CCDC171: variants seen among roughly 807,000 people sequenced by gnomAD.
CCDC171 encodes coiled-coil domain containing 171, also known as coiled-coil domain-containing protein 171.
A neutral mutation model predicts 168.2 loss-of-function variants in CCDC171; 177 were observed. The observed-to-expected ratio is 1.05, with a 90% confidence interval of 0.93 to 1.19. The LOEUF is 1.19. Among genes scored for constraint, CCDC171 ranks in the 50% most tolerant of loss-of-function variants. The pLI is 0.00. For missense variants in CCDC171, 1,991 were observed against 1,539.0 expected (o/e 1.29, Z -4.91); for synonymous variants, 687 against 540.8 (o/e 1.27, Z -3.75).
Position 15,630,124 on chromosome 9 carries a change from G to T in CCDC171, c.822+6711G>T, listed in dbSNP as rs542227371. On this transcript the variant is annotated intron_variant, in intron 7 of 25. Transcript: ENST00000380701. The stretch of plus-strand genomic sequence containing the variant: ...CTAGGAAGAAACTGCATCAACTAAT[G>T]AGCAAAATAACCAGCTAACATCATA... Among the ~76,000 whole-genome samples the T allele has an allele frequency of 4.6e-5, 7 of 152,216 alleles. No individual in the cohort carries two copies. In the South Asian group the frequency reaches 1.5e-3, roughly 32 times the overall value.
intron 21 of CCDC171, among the ~76,000 whole-genome samples, chr9:15,836,180 C>G (rs2060439963): frequency 6.6e-6 from 1 of 152,020 alleles, no homozygotes; most frequent in Non-Finnish European, 1.5e-5. Flanking sequence ...ATACCCTCTC[C>G]TATGTTGCAG....
intron 3 of CCDC171, among the ~76,000 whole-genome samples, chr9:15,987,434 G>T (rs965236257): frequency 2.7e-5 from 4 of 149,962 alleles, no homozygotes; most frequent in African/African-American, 9.8e-5. Flanking sequence ...AAGTTGGAAA[G>T]AAAAAGCAAC....
chr9:15,655,943 G>T (rs1292664699), intron 7 of CCDC171, among the ~76,000 whole-genome samples: 1 of 152,220 alleles, frequency 6.6e-6, no homozygotes, highest in Non-Finnish European at 1.5e-5. Context: ...TGGTGAGGAT[G>T]TGGAACAATG....
intron 10 of CCDC171, among the ~76,000 whole-genome samples, chr9:15,691,843 G>A (rs1448253208): frequency 8.6e-5 from 13 of 151,708 alleles, no homozygotes; most frequent in Admixed American, 8.5e-4. Flanking sequence ...ATGGCTGTCT[G>A]GTTTTTCATT....
In CCDC171 at chr9:15,929,699, A is replaced by G. The variant is rs564436176; in HGVS notation, c.3753+9277A>G. Among the ~76,000 whole-genome samples the G allele has an allele frequency of 1.1e-3, 167 of 151,844 alleles. 1 individual carries two copies. Among genetic ancestry groups the G allele is most frequent in the African/African-American group, 3.3e-3 (137 of 41,490 alleles). ...ATGGTCTTCCAATAAGTTTTCTCAT[A>G]TCTAGTCTTTTTTCTTCTATTCACC... is the stretch of plus-strand genomic sequence containing the variant. On this transcript the variant is annotated intron_variant, in intron 25 of 25. Coordinates refer to ENST00000380701, the MANE Select transcript of CCDC171 (RefSeq NM_173550.4).
chr9:15,582,982 C>G (rs1202939711), intron 4 of CCDC171, among the ~76,000 whole-genome samples: 2 of 151,190 alleles, frequency 1.3e-5, no homozygotes, highest in African/African-American at 2.4e-5. Context: ...CCAGCATTCC[C>G]ACTACTGGGT....
intron 7 of CCDC171, among the ~76,000 whole-genome samples, chr9:15,635,945 C>G (rs995015668): frequency 7.2e-5 from 11 of 152,144 alleles, no homozygotes; most frequent in Non-Finnish European, 1.0e-4. Context: ...TCCTCACCAA[C>G]AGCTGTTATT....
intron 3 of CCDC171, among the ~76,000 whole-genome samples, chr9:15,982,858 C>T (rs1381636288): frequency 2.0e-5 from 3 of 152,174 alleles, no homozygotes; most frequent in Non-Finnish European, 4.4e-5. Flanking sequence ...TCTACTTGTT[C>T]AGCAGACACA....
At chr9:15,569,238 T>C (rs555307539) in intron 2 of CCDC171, among the ~76,000 whole-genome samples, 26 of 152,122 alleles carry the variant, frequency 1.7e-4, no homozygotes, top group Non-Finnish European at 3.2e-4. Flanking sequence ...AGAGAGACAT[T>C]GTAGTGCAGT....
At chr9:15,587,826 G>T (rs2041682526) in intron 4 of CCDC171, 1 of 262,308 alleles carries the variant, frequency 3.8e-6, no homozygotes, top group African/African-American at 2.2e-5. Context: ...AGAAGAAACA[G>T]AGGCTCTGCA....
At chr9:15,562,478 G>C (rs1050561547) in intron 1 of CCDC171, among the ~76,000 whole-genome samples, 2 of 152,130 alleles carry the variant, frequency 1.3e-5, no homozygotes, top group African/African-American at 4.8e-5. Context: ...TCTCTCTAGA[G>C]GACCATTCAG....
chr9:15,677,123 A>G (rs1314709565), intron 9 of CCDC171, among the ~76,000 whole-genome samples: 1 of 152,056 alleles, frequency 6.6e-6, no homozygotes, highest in Non-Finnish European at 1.5e-5. Flanking sequence ...AATTTTTGGG[A>G]AATTCTCATT....
At chr9:15,775,877 C>T (rs1200817203) in intron 18 of CCDC171, among the ~76,000 whole-genome samples, 1 of 151,922 alleles carries the variant, frequency 6.6e-6, no homozygotes, top group East Asian at 1.9e-4. Flanking sequence ...GCTGGGCTGG[C>T]CCAGTGAAGA....
intron 25 of CCDC171, among the ~76,000 whole-genome samples, chr9:15,965,284 A>G (rs1279992236): frequency 3.9e-5 from 6 of 152,154 alleles, no homozygotes; most frequent in Non-Finnish European, 7.3e-5. Flanking sequence ...AGCACAATCT[A>G]TGTACTTTTA....
chr9:15,651,705 T>C (rs1350850851), intron 7 of CCDC171, among the ~76,000 whole-genome samples: 7 of 152,204 alleles, frequency 4.6e-5, no homozygotes, highest in Non-Finnish European at 8.8e-5. Flanking sequence ...TATGGCCAAG[T>C]AGTATTCCAT....
At chr9:15,686,365 C>T (rs908054639) in intron 10 of CCDC171, among the ~76,000 whole-genome samples, 1 of 151,896 alleles carries the variant, frequency 6.6e-6, no homozygotes, top group African/African-American at 2.4e-5. Flanking sequence ...TAAAATGGTG[C>T]TAACAATCTT....
chr9:15,623,475 G>T (rs371845), intron 7 of CCDC171, 62 bp downstream of exon 7: 1 of 311,460 alleles, frequency 3.2e-6, no homozygotes, highest in Non-Finnish European at 5.9e-6. Flanking sequence ...GCGCGCGCGC[G>T]CACACACACA....
intron 25 of CCDC171, among the ~76,000 whole-genome samples, chr9:15,957,419 C>A (rs1357217599): frequency 6.6e-6 from 1 of 152,124 alleles, no homozygotes; most frequent in South Asian, 2.1e-4. Flanking sequence ...AATATGGTTC[C>A]GTCTCACTTT....
chr9:15,716,446 T>C (rs1315420327), intron 11 of CCDC171, among the ~76,000 whole-genome samples: 1 of 152,166 alleles, frequency 6.6e-6, no homozygotes, highest in Non-Finnish European at 1.5e-5. Context: ...GGTCCTCGGT[T>C]TAGGGTGACC....
Sources: allele counts gnomAD v4.1 joint callset (sites outside exome capture counted in the v4.1 genomes callset), GRCh38; gene constraint gnomAD v4.1.1; transcripts MANE v1.5; gene names NCBI Gene and HGNC (gene_info 2026-07-23, HGNC 2026-07-21).